The following EPG5 variants were observed in gnomAD, a reference collection of about 807,000 sequenced individuals.
EPG5 encodes the protein ectopic P-granules 5 autophagy tethering factor, also known as ectopic P granules protein 5 homolog.
Under a neutral mutation model 302.7 loss-of-function variants are expected in EPG5, and 159 were observed. That is an observed-to-expected ratio of 0.53 (90% CI 0.46 to 0.60). The LOEUF is 0.60. Among genes scored for constraint, EPG5 ranks in the 20% least tolerant of loss-of-function variants. The probability of loss-of-function intolerance (pLI) is 0.00; values close to 1 mark genes in which losing one functional copy is unlikely to be tolerated. For missense variants in EPG5, 2,896 were observed against 3,092.4 expected (o/e 0.94, Z 1.51); for synonymous variants, 1,158 against 1,136.8 (o/e 1.02, Z -0.37).
intron 30 of EPG5, among the ~76,000 whole-genome samples, chr18:45,883,556 G>A (rs1001408352): frequency 6.7e-6 from 1 of 148,544 alleles, no homozygotes; most frequent in African/African-American, 2.5e-5. Flanking sequence ...AACCTCCAGG[G>A]CTTAAGCAAT....
rs2050979377 is a variant in EPG5 at position 45,954,453 on chromosome 18, C to G, written c.949G>C (p.Asp317His). ...AEAELLTLTS[D>H]CQNAKSRLWQ... Reference sequence around the variant, plus strand: ...AGCCGACTTTTAGCATTTTGGCAATCAGATGTCAGAGTAAGCAGCTCAGCT... The same window carrying G: ...AGCCGACTTTTAGCATTTTGGCAATGAGATGTCAGAGTAAGCAGCTCAGCT... The change falls in exon 2 of 44, where the codon GAT (aspartate) becomes CAT (histidine). Residue 317 changes from aspartate (D) to histidine (H), a missense_variant. Around this residue, in one of 5 missense-constraint regions of EPG5, gnomAD observed 1,390 missense variants for 1,430.0 expected, o/e 0.97. Coordinates refer to ENST00000282041, the MANE Select transcript of EPG5 (RefSeq NM_020964.3). 10 of 1,614,112 alleles carry G rather than the reference C, an allele frequency of 6.2e-6. No homozygotes were observed. The highest frequency in any genetic ancestry group is 8.5e-6 in the Non-Finnish European group (10 of 1,179,994).
At chr18:45,842,461 G>GAC in the EPG5 span, 4 of 416,358 alleles carry the variant, frequency 9.6e-6, no homozygotes, top group Non-Finnish European at 1.3e-5. Context: ...GAGAGAGAGA[G>GAC]TACACGCATT....
At chr18:45,841,698 AAAGAC>A in the EPG5 span, among the ~76,000 whole-genome samples, 25 of 152,164 alleles carry the variant, frequency 1.6e-4, no homozygotes, top group Admixed American at 1.6e-3. Context: ...TTCCTGAGAT[AAAGAC>A]AAGAGGAGAA....
At chr18:45,854,513 T>C (rs1191744789) in intron 43 of EPG5, among the ~76,000 whole-genome samples, 18 of 152,136 alleles carry the variant, frequency 1.2e-4, no homozygotes, top group Admixed American at 9.2e-4. Context: ...TTGGGACAAA[T>C]TACTTAGCCT....
At chr18:45,880,038 A>G in intron 32 of EPG5, 37 bp downstream of exon 32, 1 of 1,504,474 alleles carries the variant, frequency 6.6e-7, no homozygotes, top group Non-Finnish European at 8.9e-7. Context: ...AAATAAAAAG[A>G]AATGCACAAA....
At chr18:45,936,429 A>C (rs1320527000) in intron 10 of EPG5, among the ~76,000 whole-genome samples, 1 of 151,000 alleles carries the variant, frequency 6.6e-6, no homozygotes, top group Non-Finnish European at 1.5e-5. Flanking sequence ...GCCCCAAGTC[A>C]GAATCTGCTA....
the EPG5 span, among the ~76,000 whole-genome samples, chr18:45,800,942 G>T: frequency 6.6e-6 from 1 of 152,188 alleles, no homozygotes; most frequent in Non-Finnish European, 1.5e-5. Flanking sequence ...GAGCATTTTT[G>T]AAAGAGGTGG....
At position 45,923,425 on chromosome 18, in the gene EPG5, GGTTTT is replaced by G. The variant is rs1568158979; in HGVS notation, c.2719-43_2719-39del. On this transcript the variant is annotated intron_variant, in intron 14 of 43. Coordinates refer to ENST00000282041, the MANE Select transcript of EPG5 (RefSeq NM_020964.3). ...AAAATAATCACAAACATACAACCTT[GGTTTT>G]GTTTTGTTTTTGTACCTTTGAATCA... The G allele has an allele frequency of 4.4e-6, 7 of 1,593,434 alleles. No individual in the cohort carries two copies. In the South Asian group the frequency reaches 7.9e-5, roughly 18 times the overall value.
At chr18:45,877,314 G>C (rs1334258628) in intron 34 of EPG5, among the ~76,000 whole-genome samples, 3 of 152,158 alleles carry the variant, frequency 2.0e-5, no homozygotes, top group Non-Finnish European at 4.4e-5. Context: ...AGCTACTCAG[G>C]GGGCTGAGGC....
chr18:45,926,144 C>T (rs971310136), intron 13 of EPG5, among the ~76,000 whole-genome samples: 2 of 152,160 alleles, frequency 1.3e-5, no homozygotes, highest in African/African-American at 4.8e-5. Context: ...TTTAAATATT[C>T]AAATTGGTAT....
intron 18 of EPG5, 95 bp from the exon 19 acceptor site, chr18:45,916,301 C>A: frequency 1.3e-6 from 2 of 1,519,642 alleles, no homozygotes; most frequent in South Asian, 1.3e-5. Context: ...CTACAAATCC[C>A]AAATCTATTG....
chr18:45,879,513 G>A (rs556165669), intron 32 of EPG5, among the ~76,000 whole-genome samples: 4 of 152,162 alleles, frequency 2.6e-5, no homozygotes, highest in East Asian at 1.9e-4. Context: ...GACTACAGGC[G>A]TGCACCACCA....
At chr18:45,814,608 T>C in the EPG5 span, among the ~76,000 whole-genome samples, 62 of 152,310 alleles carry the variant, frequency 4.1e-4, no homozygotes, top group Non-Finnish European at 7.2e-4. Flanking sequence ...AAGAGAAAAG[T>C]GCATGATATC....
chr18:45,820,611 TGAG>T, the EPG5 span, among the ~76,000 whole-genome samples: 1 of 127,548 alleles, frequency 7.8e-6, no homozygotes, highest in Non-Finnish European at 1.8e-5. Flanking sequence ...CTGCTGCTGC[TGAG>T]ATTGACACCT....
chr18:45,834,035 C>T, the EPG5 span, among the ~76,000 whole-genome samples: 1 of 152,176 alleles, frequency 6.6e-6, no homozygotes, highest in East Asian at 1.9e-4. Context: ...TGCCTGGCAA[C>T]CTCTATGCTG....
At chr18:45,834,743 A>G in the EPG5 span, among the ~76,000 whole-genome samples, 1 of 152,242 alleles carries the variant, frequency 6.6e-6, no homozygotes, top group African/African-American at 2.4e-5. Flanking sequence ...GGAAGTGTCC[A>G]ATACATGTTT....
chr18:45,898,215 C>CT lies in EPG5; in HGVS notation c.4809+1188dup, dbSNP rs537674178. Among the ~76,000 whole-genome samples the CT allele has an allele frequency of 6.8e-4, 103 of 152,318 alleles. No homozygotes were observed. In the East Asian group the frequency reaches 0.019, roughly 29 times the overall value. On this transcript the variant is annotated intron_variant, in intron 27 of 43. Transcript: ENST00000282041. ...TCTCTACTACAAAACCCCATCTCTA[C>CT]TTTAAAAAGAGCACTGGCTCTGGAG... is the stretch of plus-strand genomic sequence containing the variant.
intron 9 of EPG5, 90 bp from the exon 10 acceptor site, chr18:45,939,845 A>G: frequency 1.6e-6 from 2 of 1,228,066 alleles, no homozygotes; most frequent in South Asian, 1.5e-5. Flanking sequence ...TATTCAACAC[A>G]TATTTATTGA....
At position 45,954,852 on chromosome 18, in the gene EPG5, C is replaced by G; in HGVS notation, c.550G>C (p.Gly184Arg). 6.2e-7 allele frequency: 1 copy of G among 1,614,172 alleles called. No individual in the cohort carries two copies. Among genetic ancestry groups the G allele is most frequent in the South Asian group, 1.1e-5 (1 of 91,078 alleles). Reference sequence around the variant, plus strand: ...GGCACCTCTGAAGAACAAACCAGGCCTTGTTTGTCTTCTTTACTATTCTGA... The same window carrying G: ...GGCACCTCTGAAGAACAAACCAGGCGTTGTTTGTCTTCTTTACTATTCTGA... ...ETQNSKEDKQ[G>R]LVCSSEVPQN... is the part of the protein sequence containing the mutation. Residue 184 changes from glycine (G) to arginine (R), a missense_variant, in exon 2 of 44, where the codon GGC (glycine) becomes CGC (arginine). Coordinates refer to ENST00000282041, the MANE Select transcript of EPG5 (RefSeq NM_020964.3).
Sources: allele counts gnomAD v4.1 joint callset (sites outside exome capture counted in the v4.1 genomes callset), GRCh38; gene constraint gnomAD v4.1.1; regional missense constraint gnomAD v4.1.1; transcripts MANE v1.5; gene names NCBI Gene and HGNC (gene_info 2026-07-23, HGNC 2026-07-21).